Variants in ANKRD33B observed in about 807,000 individuals in gnomAD.
The protein encoded by ANKRD33B is ankyrin repeat domain 33B.
A neutral mutation model predicts 21.5 loss-of-function variants in ANKRD33B; 6 were observed. That is an observed-to-expected ratio of 0.28 (90% CI 0.15 to 0.55). The LOEUF is 0.55. Among genes scored for constraint, ANKRD33B ranks in the 20% least tolerant of loss-of-function variants. The probability of loss-of-function intolerance (pLI) is 0.94; values close to 1 mark genes in which losing one functional copy is unlikely to be tolerated. For missense variants in ANKRD33B, 698 were observed against 747.2 expected, an observed-to-expected ratio of 0.93 and a Z score of 0.77; for synonymous variants, 347 against 342.4, an observed-to-expected ratio of 1.01 and a Z score of -0.15.
At chr5:10,638,207 G>C in intron 3 of ANKRD33B, 39 bp downstream of exon 3, 1 of 1,529,212 alleles carries the variant, frequency 6.5e-7, no homozygotes, top group South Asian at 1.2e-5. Context: ...AGGGGCCCTG[G>C]GACACCAGAG....
rs1383095758 is a variant in ANKRD33B at position 10,575,394 on chromosome 5, C to T, written c.366+10561C>T. Among the ~76,000 whole-genome samples the T allele has an allele frequency of 2.8e-5, 4 of 141,420 alleles. 1 individual carries two copies. Among genetic ancestry groups the T allele is most frequent in the African/African-American group, 1.1e-4 (4 of 37,394 alleles). The allele number at this position is 141,420 out of a possible 152,430, so 92.8% of individuals were successfully genotyped here. A position where few individuals can be genotyped will look rare whatever the true frequency, so the allele number is the denominator to read the frequency against. On this transcript the variant is annotated intron_variant, in intron 1 of 3. Coordinates refer to ENST00000296657, the MANE Select transcript of ANKRD33B (RefSeq NM_001164440.2). ...TGAGCCGAGATCGCACCACTCCACT[C>T]GAGCCTGGCAACAGAGCGAGACTGT...
intron 1 of ANKRD33B, among the ~76,000 whole-genome samples, chr5:10,577,842 C>A (rs1487148727): frequency 6.6e-6 from 1 of 152,226 alleles, no homozygotes; most frequent in East Asian, 1.9e-4. Context: ...GTTGACCTCA[C>A]TGGAGACCTT....
rs912868646 is a variant in ANKRD33B, at chr5:10,652,983, T to G, written c.*2870T>G. 1 of 178,988 alleles carries G rather than the reference T, an allele frequency of 5.6e-6. No individual in the cohort carries two copies. Among genetic ancestry groups the G allele is most frequent in the South Asian group, 1.0e-4 (1 of 9,958 alleles). 11.1% of individuals were successfully genotyped at this position (178,988 alleles called of 1,614,324 possible). A position where few individuals can be genotyped will look rare whatever the true frequency, so the allele number is the denominator to read the frequency against. ...CCATTACCTGGCCAGTGTTTGCAAC[T>G]CGAGGGAAAATGACAGCTGCATGGG... On this transcript the variant is annotated 3_prime_UTR_variant, in exon 4 of 4. Coordinates refer to ENST00000296657, the MANE Select transcript of ANKRD33B (RefSeq NM_001164440.2). This position sits in a 1 kb window ranked among gnomAD's most constrained non-coding sequence, Gnocchi z 4.1.
chr5:10,650,220 C>A lies in ANKRD33B; in HGVS notation c.*107C>A. The A allele has an allele frequency of 3.3e-6, 4 of 1,216,466 alleles. No homozygotes were observed. The South Asian group carries it at 5.3e-5, about 16-fold the overall frequency. 75.4% of individuals were successfully genotyped at this position (1,216,466 alleles called of 1,614,324 possible). On this transcript the variant is annotated 3_prime_UTR_variant, in exon 4 of 4. Transcript: ENST00000296657. ...GTTGCGCATCGCACCACTTCCGCTC[C>A]ATGGACCACGGGGCTGCGCGCATTT...
rs1579768565 is a variant in ANKRD33B, at chr5:10,657,016, A to G, written c.*6903A>G. 2 of 152,276 alleles carry G rather than the reference A, an allele frequency of 1.3e-5. No homozygotes were observed. Among genetic ancestry groups the G allele is most frequent in the East Asian group, 3.7e-4 (2 of 5,336 alleles). 9.4% of individuals were successfully genotyped at this position (152,276 alleles called of 1,614,324 possible). A position where few individuals can be genotyped will look rare whatever the true frequency, so the allele number is the denominator to read the frequency against. ...CCCCACGAAACTTTCCATCAAAGCA[A>G]TGGTCCGTGTTGGCCTGATGCTTTA... On this transcript the variant is annotated 3_prime_UTR_variant, in exon 4 of 4. Transcript: ENST00000296657.
Position 10,638,054 on chromosome 5 carries a change from T to C in ANKRD33B, c.523T>C (p.Leu175=). 3 of 1,537,672 alleles carry C rather than the reference T, an allele frequency of 2.0e-6. No individual in the cohort carries two copies. Among genetic ancestry groups the C allele is most frequent in the Non-Finnish European group, 2.6e-6 (3 of 1,146,974 alleles). Residue 175 remains leucine (L), a synonymous_variant, in exon 3 of 4, where the codon TTG becomes CTG. Coordinates refer to ENST00000296657, the MANE Select transcript of ANKRD33B (RefSeq NM_001164440.2). ...GCACGCTATCATCACTAACTACTTG[T>C]TGAACTATTTCCCTGGTCTTGACCT... is the stretch of plus-strand genomic sequence containing the variant. ...AGHAIITNYL[L]NYFPGLDLER... is the part of the protein sequence containing the mutation.
intron 1 of ANKRD33B, among the ~76,000 whole-genome samples, chr5:10,573,791 C>T (rs556857958): frequency 3.3e-5 from 5 of 152,350 alleles, no homozygotes; most frequent in South Asian, 4.1e-4. Flanking sequence ...AATCTGCCCC[C>T]ATGATCCAGT....
intron 3 of ANKRD33B, among the ~76,000 whole-genome samples, chr5:10,646,488 G>A (rs557472621): frequency 2.0e-5 from 3 of 152,218 alleles, no homozygotes; most frequent in East Asian, 1.9e-4. Context: ...TAGAATGTTT[G>A]TATTTTCTGA....
intron 3 of ANKRD33B, among the ~76,000 whole-genome samples, chr5:10,644,535 A>G (rs967482448): frequency 6.6e-6 from 1 of 152,180 alleles, no homozygotes; most frequent in East Asian, 1.9e-4. Flanking sequence ...AATAACCTCA[A>G]ATCTTCCTGT....
At chr5:10,616,201 A>G (rs183625111) in intron 1 of ANKRD33B, among the ~76,000 whole-genome samples, 23 of 152,324 alleles carry the variant, frequency 1.5e-4, no homozygotes, top group Non-Finnish European at 1.5e-5. Context: ...CTGTGGGGCA[A>G]CTAGGAGCCT....
At chr5:10,608,431 A>G (rs1736098249) in intron 1 of ANKRD33B, among the ~76,000 whole-genome samples, 1 of 152,022 alleles carries the variant, frequency 6.6e-6, no homozygotes, top group South Asian at 2.1e-4. Context: ...TGCAAAACAC[A>G]AGGCTGCAGT....
intron 2 of ANKRD33B, among the ~76,000 whole-genome samples, chr5:10,629,726 T>C (rs1736661935): frequency 6.6e-6 from 1 of 152,074 alleles, no homozygotes; most frequent in African/African-American, 2.4e-5. Context: ...AGCAGGCAGC[T>C]GAGGAACAGC....
At chr5:10,585,932 C>T (rs964461758) in intron 1 of ANKRD33B, among the ~76,000 whole-genome samples, 1 of 152,178 alleles carries the variant, frequency 6.6e-6, no homozygotes, top group African/African-American at 2.4e-5. Flanking sequence ...GTGATGGCTT[C>T]CCTGTGCCAG....
intron 1 of ANKRD33B, among the ~76,000 whole-genome samples, chr5:10,618,072 A>G (rs2126582010): frequency 6.6e-6 from 1 of 152,308 alleles, no homozygotes; most frequent in East Asian, 1.9e-4. Flanking sequence ...TGGAGAAAGC[A>G]CACCCCAGGA....
At chr5:10,573,469 A>G (rs1277812752) in intron 1 of ANKRD33B, among the ~76,000 whole-genome samples, 2 of 85,254 alleles carry the variant, frequency 2.3e-5, no homozygotes, top group African/African-American at 8.5e-5. Context: ...CTCCGTCTCA[A>G]AAAAAAAAAA....
At chr5:10,648,062 T>C (rs1271311601) in intron 3 of ANKRD33B, among the ~76,000 whole-genome samples, 12 of 152,228 alleles carry the variant, frequency 7.9e-5, no homozygotes. Context: ...ACCCAAGTCT[T>C]AGACCCTCTC....
At chr5:10,574,113 CACAT>C (rs566198395) in intron 1 of ANKRD33B, among the ~76,000 whole-genome samples, 1 of 152,258 alleles carries the variant, frequency 6.6e-6, no homozygotes, top group Non-Finnish European at 1.5e-5. Flanking sequence ...TGTACACACA[CACAT>C]ACACACATAT....
intron 1 of ANKRD33B, among the ~76,000 whole-genome samples, chr5:10,608,605 A>C: frequency 6.6e-6 from 1 of 152,108 alleles, no homozygotes; most frequent in East Asian, 1.9e-4. Flanking sequence ...GGAAAACAGA[A>C]AAAGGTAAAA....
Position 10,619,138 on chromosome 5 carries a change from A to G in ANKRD33B, c.496+676A>G, listed in dbSNP as rs1227373030. On this transcript the variant is annotated intron_variant, in intron 2 of 3. Transcript: ENST00000296657. This position sits in a 1 kb window ranked among gnomAD's most constrained non-coding sequence, Gnocchi z 4.5. ...GCTTGCCTCTTCATAATCACACTTC[A>G]TTTGGAACAGTGGTCTTGACCAGGT... 6.6e-6 allele frequency among the ~76,000 whole-genome samples: 1 copy of G among 152,138 alleles called. No individual in the cohort carries two copies. The highest frequency in any genetic ancestry group is 1.5e-5 in the Non-Finnish European group (1 of 68,022).
Sources: gnomAD v4.1 joint callset for allele counts (sites outside exome capture counted in the v4.1 genomes callset) on GRCh38, gnomAD v4.1.1 for gene constraint, Gnocchi (gnomAD v3.1) non-coding constraint, MANE v1.5 for transcripts, NCBI Gene and HGNC (gene_info 2026-07-23, HGNC 2026-07-21) for gene names.